The following ADARB1 variants were observed in gnomAD, a reference collection of about 807,000 sequenced individuals.
The protein encoded by ADARB1 is double-stranded RNA-specific editase 1.
In ADARB1, 10 loss-of-function variants were observed where a neutral mutation model predicts 52.4. The observed-to-expected ratio is 0.19, with a 90% CI of 0.12 to 0.32. The LOEUF (loss-of-function observed/expected upper bound fraction) is 0.32, where lower values mean the gene tolerates loss of function less well. Ranked by LOEUF, ADARB1 falls within the 10% of genes least tolerant of loss-of-function variation. ADARB1 has a pLI of 1.00. For missense variants in ADARB1, 643 were observed against 922.3 expected, an observed-to-expected ratio of 0.70 and a Z score of 3.92; for synonymous variants, 349 against 371.1, an observed-to-expected ratio of 0.94 and a Z score of 0.68.
intron 9 of ADARB1, among the ~76,000 whole-genome samples, chr21:45,210,063 C>T (rs987553755): frequency 1.3e-5 from 2 of 152,182 alleles, no homozygotes; most frequent in Admixed American, 6.5e-5. Flanking sequence ...GCACCACGGC[C>T]GCCACACGGC....
intron 2 of ADARB1, among the ~76,000 whole-genome samples, chr21:45,129,121 C>T (rs539167866): frequency 1.7e-3 from 258 of 151,838 alleles, no homozygotes; most frequent in African/African-American, 6.1e-3. Flanking sequence ...GTCCCAGCCT[C>T]GGGAGACTGA....
intron 2 of ADARB1, among the ~76,000 whole-genome samples, chr21:45,147,973 C>T (rs1182138278): frequency 2.6e-5 from 4 of 152,106 alleles, no homozygotes; most frequent in African/African-American, 9.7e-5. Flanking sequence ...GAGGCTCCGT[C>T]GAGTGATGTG....
At chr21:45,114,937 G>T (rs2087747216) in intron 1 of ADARB1, among the ~76,000 whole-genome samples, 2 of 152,214 alleles carry the variant, frequency 1.3e-5, no homozygotes. Context: ...CTGGTCATGG[G>T]CTCGCACTGA....
chr21:45,210,851 GCCTCTCAGCC>G (rs1436401879), intron 9 of ADARB1, among the ~76,000 whole-genome samples: 2 of 152,232 alleles, frequency 1.3e-5, no homozygotes, highest in African/African-American at 2.4e-5. Context: ...ATCACTGTGA[GCCTCTCAGCC>G]CCACTCCCCC....
chr21:45,213,927 C>T (rs1177844183), intron 9 of ADARB1, among the ~76,000 whole-genome samples: 2 of 152,158 alleles, frequency 1.3e-5, no homozygotes, highest in African/African-American at 4.8e-5. Context: ...TGGCTGAATC[C>T]TAAGATAGGT....
chr21:45,163,995 GTGTACATTTGAACAC>G (rs755267646), intron 2 of ADARB1, among the ~76,000 whole-genome samples: 1 of 152,198 alleles, frequency 6.6e-6, no homozygotes, highest in Non-Finnish European at 1.5e-5. Context: ...GTGAGAACTA[GTGTACATTTGAACAC>G]TTGCCATCCA....
chr21:45,125,188 T>C (rs552675146), intron 1 of ADARB1, among the ~76,000 whole-genome samples: 75 of 152,364 alleles, frequency 4.9e-4, no homozygotes, highest in Admixed American at 3.5e-3. Flanking sequence ...ACTATATTTT[T>C]AGTGTTGTCA....
At chr21:45,162,592 TG>T (rs1293679617) in intron 2 of ADARB1, among the ~76,000 whole-genome samples, 1 of 152,180 alleles carries the variant, frequency 6.6e-6, no homozygotes, top group African/African-American at 2.4e-5. Flanking sequence ...CACTGGGTTC[TG>T]ATTTACCAAA....
chr21:45,116,713 A>G (rs565601908), intron 1 of ADARB1, among the ~76,000 whole-genome samples: 1 of 152,310 alleles, frequency 6.6e-6, no homozygotes, highest in Non-Finnish European at 1.5e-5. Flanking sequence ...AAATGGGGAA[A>G]AGCCCCTTAC....
intron 9 of ADARB1, among the ~76,000 whole-genome samples, chr21:45,207,104 A>G (rs1018628731): frequency 2.0e-5 from 3 of 152,164 alleles, no homozygotes; most frequent in Non-Finnish European, 4.4e-5. Flanking sequence ...TTCTGGACAA[A>G]TGTGCCACTG....
chr21:45,114,409 A>C lies in ADARB1; in HGVS notation c.-219-13993A>C, dbSNP rs553498706. ...TGGTGCCTTGGTGTTTTTGTTCATAAAGCCTTGATGCTCAGGCCCATCCGT... is the reference window on the plus strand; with the variant it reads ...TGGTGCCTTGGTGTTTTTGTTCATACAGCCTTGATGCTCAGGCCCATCCGT... On this transcript the variant is annotated intron_variant, in intron 1 of 10. Coordinates refer to ENST00000348831, the MANE Select transcript of ADARB1 (RefSeq NM_001112.4). 2.6e-5 allele frequency among the ~76,000 whole-genome samples: 4 copies of C among 152,154 alleles called. No homozygotes were observed. The East Asian group carries it at 7.7e-4, about 29-fold the overall frequency.
intron 1 of ADARB1, among the ~76,000 whole-genome samples, chr21:45,121,797 T>A (rs1447362168): frequency 6.6e-6 from 1 of 152,246 alleles, no homozygotes; most frequent in Non-Finnish European, 1.5e-5. Flanking sequence ...TTAGTTTACC[T>A]GTTTACTAAC....
chr21:45,161,822 C>T (rs572073514), intron 2 of ADARB1, among the ~76,000 whole-genome samples: 22 of 152,310 alleles, frequency 1.4e-4, no homozygotes, highest in African/African-American at 4.8e-4. Flanking sequence ...AATCAGCACA[C>T]ACTTTCCTCT....
At chr21:45,169,489 T>C (rs576223055) in intron 2 of ADARB1, among the ~76,000 whole-genome samples, 20 of 152,332 alleles carry the variant, frequency 1.3e-4, no homozygotes, top group Admixed American at 2.6e-4. Flanking sequence ...CAGCTCTATG[T>C]TGAGAAAATG....
At position 45,225,271 on chromosome 21, in the gene ADARB1, C is replaced by A. The variant is rs145498068; in HGVS notation, c.*3074C>A. 15 of 1,155,844 alleles carry A rather than the reference C, an allele frequency of 1.3e-5. No individual in the cohort carries two copies. The East Asian group carries it at 5.6e-4, about 43-fold the overall frequency. 71.6% of individuals were successfully genotyped at this position (1,155,844 alleles called of 1,614,324 possible). Reference sequence around the variant, plus strand: ...CGTCACCACCTTCCTCAGCTCTCATCACCTGGTCGTACGCCAGGCCCACCT... The same window carrying A: ...CGTCACCACCTTCCTCAGCTCTCATAACCTGGTCGTACGCCAGGCCCACCT... On this transcript the variant is annotated 3_prime_UTR_variant, in exon 11 of 11. Transcript: ENST00000348831.
intron 1 of ADARB1, chr21:45,120,946 G>A (rs1256137801): frequency 2.6e-5 from 4 of 152,232 alleles, no homozygotes; most frequent in Admixed American, 2.6e-4. Context: ...TCTGAAGCCA[G>A]CTGTGTATTC....
Position 45,224,552 on chromosome 21 carries a change from G to T in ADARB1, c.*2355G>T. ...GGAGCCCTGGGCGGGGCGGCTGTTGGGGGGAACTGGGTTCGGGGTGCCCTG... is the reference window on the plus strand; with the variant it reads ...GGAGCCCTGGGCGGGGCGGCTGTTGTGGGGAACTGGGTTCGGGGTGCCCTG... On this transcript the variant is annotated 3_prime_UTR_variant, in exon 11 of 11. Coordinates refer to ENST00000348831, the MANE Select transcript of ADARB1 (RefSeq NM_001112.4). 1.0e-6 allele frequency: 1 copy of T among 990,602 alleles called. No homozygotes were observed. The highest frequency in any genetic ancestry group is 1.2e-6 in the Non-Finnish European group (1 of 818,620). The allele number at this position is 990,602 out of a possible 1,614,324, so 61.4% of individuals were successfully genotyped here. A position where few individuals can be genotyped will look rare whatever the true frequency, so the allele number is the denominator to read the frequency against.
At chr21:45,104,826 G>A (rs1230852061) in intron 1 of ADARB1, among the ~76,000 whole-genome samples, 1 of 152,194 alleles carries the variant, frequency 6.6e-6, no homozygotes, top group African/African-American at 2.4e-5. Context: ...GCTCTTTGAA[G>A]TTTTCTTGGG....
intron 8 of ADARB1, among the ~76,000 whole-genome samples, chr21:45,193,542 C>T (rs554533553): frequency 6.6e-6 from 1 of 152,230 alleles, no homozygotes; most frequent in African/African-American, 2.4e-5. Context: ...CTAGCCAGTG[C>T]TATAAGGTCC....
Sources: allele counts gnomAD v4.1 joint callset (sites outside exome capture counted in the v4.1 genomes callset), GRCh38; gene constraint gnomAD v4.1.1; transcripts MANE v1.5; gene names NCBI Gene and HGNC (gene_info 2026-07-23, HGNC 2026-07-21).